TNIP3: variants seen among roughly 807,000 people sequenced by gnomAD.
The protein encoded by TNIP3 is TNFAIP3-interacting protein 3.
A neutral mutation model predicts 54.1 loss-of-function variants in TNIP3; 34 were observed. That is an observed-to-expected ratio of 0.63 (90% confidence interval 0.48 to 0.84). The LOEUF is 0.84. Ranked by LOEUF, TNIP3 falls within the 40% of genes least tolerant of loss-of-function variation. The probability of loss-of-function intolerance (pLI) is 0.00; values close to 1 mark genes in which losing one functional copy is unlikely to be tolerated. For synonymous variants in TNIP3, 134 were observed against 136.8 expected (o/e 0.98, Z 0.14); for missense variants, 366 against 387.6 (o/e 0.94, Z 0.47).
chr4:121,168,585 A>G (rs559490223), upstream of TNIP3, among the ~76,000 whole-genome samples: 36 of 151,110 alleles, frequency 2.4e-4, no homozygotes, highest in South Asian at 3.8e-3. Flanking sequence ...CAGTGGTACA[A>G]TCATAGCTCA....
intron 5 of TNIP3, 199 bp downstream of exon 5, chr4:121,154,352 A>G: frequency 1.7e-6 from 1 of 593,634 alleles, no homozygotes; most frequent in Non-Finnish European, 2.9e-6. Flanking sequence ...TGTAGGGACA[A>G]AAATTCTCTA....
intron 1 of TNIP3, among the ~76,000 whole-genome samples, chr4:121,223,030 C>A (rs542662553): frequency 6.6e-6 from 1 of 152,186 alleles, no homozygotes; most frequent in African/African-American, 2.4e-5. Flanking sequence ...TGGTCTCGAT[C>A]TCCTGACCTC....
intron 10 of TNIP3, among the ~76,000 whole-genome samples, chr4:121,133,593 T>C (rs924862143): frequency 6.6e-6 from 1 of 152,218 alleles, no homozygotes. Flanking sequence ...TACAGTGCTC[T>C]TGTGAAACAG....
At chr4:121,156,428 C>G (rs1018946830) in intron 4 of TNIP3, among the ~76,000 whole-genome samples, 2 of 152,162 alleles carry the variant, frequency 1.3e-5, no homozygotes, top group Non-Finnish European at 2.9e-5. Flanking sequence ...TGTCACCATC[C>G]AGTTCTCAGC....
At chr4:121,179,063 G>A (rs1295211598) in intron 3 of TNIP3, among the ~76,000 whole-genome samples, 5 of 152,160 alleles carry the variant, frequency 3.3e-5, no homozygotes, top group African/African-American at 9.7e-5. Flanking sequence ...GTTTGAATTG[G>A]GATAAAAAAG....
At chr4:121,168,273 C>T (rs1010060699), upstream of TNIP3, among the ~76,000 whole-genome samples, 1 of 151,990 alleles carries the variant, frequency 6.6e-6, no homozygotes, top group Non-Finnish European at 1.5e-5. Context: ...GTGGCACAAT[C>T]TCGCCTCACT....
chr4:121,180,166 C>T (rs557332739), intron 3 of TNIP3, among the ~76,000 whole-genome samples: 8 of 152,126 alleles, frequency 5.3e-5, no homozygotes, highest in South Asian at 2.1e-4. Context: ...TTTGGGAGGC[C>T]GAGGCGGGTG....
intron 3 of TNIP3, among the ~76,000 whole-genome samples, chr4:121,177,617 A>C (rs1346428198): frequency 6.6e-6 from 1 of 152,214 alleles, no homozygotes; most frequent in Non-Finnish European, 1.5e-5. Flanking sequence ...CTGGAAAGGG[A>C]ATCTACCTTA....
chr4:121,164,827 A>G (rs1450577463), upstream of TNIP3, among the ~76,000 whole-genome samples: 1 of 152,190 alleles, frequency 6.6e-6, no homozygotes, highest in Non-Finnish European at 1.5e-5. Context: ...CTCAAGTTTA[A>G]GTCTGTCTTT....
intron 2 of TNIP3, among the ~76,000 whole-genome samples, chr4:121,206,538 T>TATTGTGTGTGTGTGTG (rs1553937288): frequency 1.1e-4 from 17 of 151,472 alleles, no homozygotes; most frequent in African/African-American, 3.7e-4. Flanking sequence ...TTTGTATATA[T>TATTGTGTGTGTGTGTG]TGTGTGTGTG....
At chr4:121,137,569 T>C (rs1248691508) in intron 10 of TNIP3, 1 of 170,270 alleles carries the variant, frequency 5.9e-6, no homozygotes, top group African/African-American at 2.4e-5. Flanking sequence ...GCTGTCCAGA[T>C]TGCGTATTGT....
At chr4:121,149,682 C>T (rs1729626445) in intron 6 of TNIP3, among the ~76,000 whole-genome samples, 1 of 152,226 alleles carries the variant, frequency 6.6e-6, no homozygotes, top group Admixed American at 6.5e-5. Context: ...AGGAGAATCA[C>T]TTGAACTTGG....
chr4:121,132,677 A>C lies in TNIP3; in HGVS notation c.947-15T>G, dbSNP rs757425853. 1.2e-6 allele frequency: 2 copies of C among 1,604,488 alleles called. No individual in the cohort carries two copies. Among genetic ancestry groups the C allele is most frequent in the Non-Finnish European group, 1.7e-6 (2 of 1,171,496 alleles). On this transcript the variant is annotated splice_polypyrimidine_tract_variant and intron_variant, in intron 10 of 10. Transcript: ENST00000057513. Reference sequence around the variant, plus strand: ...TGAGGATAAACCTATGGAAAACAGTAGGAAAATGTTTTAGATTAAAAATTA... The same window carrying C: ...TGAGGATAAACCTATGGAAAACAGTCGGAAAATGTTTTAGATTAAAAATTA...
Position 121,164,193 on chromosome 4 carries a change from T to C in TNIP3, c.-68A>G, listed in dbSNP as rs1205546649. Reference sequence around the variant, plus strand: ...CAGGGGAAAAGTCTCTTAAGGTATATTTTAGGGTGAGAGCAAGTATACAAA... The same window carrying C: ...CAGGGGAAAAGTCTCTTAAGGTATACTTTAGGGTGAGAGCAAGTATACAAA... On this transcript the variant is annotated 5_prime_UTR_variant, in exon 1 of 11. Transcript: ENST00000057513. 1 of 1,609,254 alleles carries C rather than the reference T, an allele frequency of 6.2e-7. No individual in the cohort carries two copies. The highest frequency in any genetic ancestry group is 8.5e-7 in the Non-Finnish European group (1 of 1,178,238).
intron 4 of TNIP3, 39 bp downstream of exon 4, chr4:121,157,055 T>A (rs1168761040): frequency 6.2e-7 from 1 of 1,611,426 alleles, no homozygotes; most frequent in East Asian, 2.2e-5. Flanking sequence ...TTTGCTTTTA[T>A]TTGGATCCTC....
intron 3 of TNIP3, among the ~76,000 whole-genome samples, chr4:121,173,252 T>A (rs1176947550): frequency 6.6e-6 from 1 of 152,228 alleles, no homozygotes; most frequent in Non-Finnish European, 1.5e-5. Context: ...GGAAGTTTTA[T>A]GGGAATTAAG....
At chr4:121,155,362 C>T (rs566416419) in intron 4 of TNIP3, among the ~76,000 whole-genome samples, 18 of 152,304 alleles carry the variant, frequency 1.2e-4, no homozygotes, top group Non-Finnish European at 1.0e-4. Context: ...AAAAAACTCT[C>T]ATTGTGAGAA....
At chr4:121,141,332 A>G (rs1393279684) in intron 9 of TNIP3, among the ~76,000 whole-genome samples, 1 of 152,230 alleles carries the variant, frequency 6.6e-6, no homozygotes, top group Non-Finnish European at 1.5e-5. Flanking sequence ...ATGGAGAACA[A>G]CTTAAGTGGG....
At chr4:121,225,044 G>A (rs1727200619) in intron 1 of TNIP3, among the ~76,000 whole-genome samples, 1 of 152,302 alleles carries the variant, frequency 6.6e-6, no homozygotes, top group African/African-American at 2.4e-5. Context: ...ATTGAAAACT[G>A]AGAAAGGGAT....
Sources: allele counts gnomAD v4.1 joint callset (sites outside exome capture counted in the v4.1 genomes callset), GRCh38; gene constraint gnomAD v4.1.1; transcripts MANE v1.5; gene names NCBI Gene and HGNC (gene_info 2026-07-23, HGNC 2026-07-21).